Variants in CDK11A observed in about 807,000 individuals in gnomAD.
CDK11A encodes the protein cyclin dependent kinase 11A, also known as cyclin-dependent kinase 11A.
CDK11A carries 55 observed loss-of-function variants against 83.6 expected under a neutral mutation model. The ratio of observed to expected loss-of-function variants is 0.66; its 90% CI spans 0.53 to 0.82. CDK11A has a LOEUF of 0.82. Ranked by LOEUF, CDK11A falls within the 40% of genes least tolerant of loss-of-function variation. The pLI is 0.00. For missense variants in CDK11A, 564 were observed against 810.1 expected, an observed-to-expected ratio of 0.70 and a Z score of 3.69; for synonymous variants, 247 against 302.7, an observed-to-expected ratio of 0.82 and a Z score of 1.91.
intron 4 of CDK11A, among the ~76,000 whole-genome samples, chr1:1,716,814 CAAAAAAAAAAAAAAAAAAAA>C (rs1168780288): frequency 5.2e-5 from 4 of 76,680 alleles, no homozygotes; most frequent in African/African-American, 1.8e-4. Context: ...GACTCCATCT[CAAAAAAAAAAAAAAAAAAAA>C]AAAAAAAAAA....
chr1:1,716,763 C>T (rs1195030034), intron 4 of CDK11A, among the ~76,000 whole-genome samples: 5 of 121,512 alleles, frequency 4.1e-5, no homozygotes, highest in South Asian at 2.6e-4. Context: ...TGCGGTGAGC[C>T]GAGATCGTGC....
At chr1:1,723,502 A>G (rs1452163978) in intron 1 of CDK11A, among the ~76,000 whole-genome samples, 1 of 67,816 alleles carries the variant, frequency 1.5e-5, no homozygotes, top group African/African-American at 3.5e-5. Context: ...AAAAAAAAAA[A>G]AAAAAAAAAA....
rs1644360002 is a variant in CDK11A at position 1,707,449 on chromosome 1, T to C, written c.1205A>G (p.Glu402Gly). 6.2e-7 allele frequency: 1 copy of C among 1,607,662 alleles called. No individual in the cohort carries two copies. Among genetic ancestry groups the C allele is most frequent in the African/African-American group, 1.3e-5 (1 of 74,112 alleles). Residue 402 changes from glutamate (E) to glycine (G), a missense_variant, in exon 11 of 20, where the codon GAG (glutamate) becomes GGG (glycine). Physicochemically the swap from Glu to Gly is moderately conservative, Grantham distance 98. Around this residue, in one of 5 missense-constraint regions of CDK11A, gnomAD observed 361 missense variants for 402.7 expected, o/e 0.90. Transcript: ENST00000404249. Reference protein sequence around the residue: ...VPDSPALLPIELKQELPKYLP... With the variant: ...VPDSPALLPIGLKQELPKYLP... ...GTACTTGGGCAGCTCCTGCTTGAGC[T>C]CGATGGGCAACAGGGCAGGGGAGTC...
Position 1,703,937 on chromosome 1 carries a change from AT to A in CDK11A, c.1797del (p.Glu599AspfsTer19). ...GACCACATGTCCACGGCCGTGGAGT[AT>A]TCCTAAGACGCCAGGAGAGGTGTTC... ...RAPELLLGAK[E>X]YSTAVDMWSV... On this transcript the variant is annotated frameshift_variant and splice_region_variant, in exon 17 of 20. Transcript: ENST00000404249. LOFTEE classifies it high-confidence loss of function. 3.1e-6 allele frequency: 5 copies of A among 1,609,560 alleles called. 1 individual carries two copies. The highest frequency in any genetic ancestry group is 4.2e-6 in the Non-Finnish European group (5 of 1,176,894).
intron 4 of CDK11A, among the ~76,000 whole-genome samples, chr1:1,718,380 G>A (rs1219857180): frequency 2.1e-5 from 3 of 142,516 alleles, no homozygotes; most frequent in African/African-American, 7.9e-5. Context: ...GCTCTCTCTG[G>A]TTTTCGGTCT....
rs529944930 is a variant in CDK11A, at chr1:1,703,653, C to T, written c.1912-29G>A. The T allele has an allele frequency of 1.3e-4, 200 of 1,582,550 alleles. 9 individuals are homozygous for T. The highest frequency in any genetic ancestry group is 1.5e-4 in the Non-Finnish European group (180 of 1,165,348). ...AAAGACAGAGGTGCTTCAACAGCCACACCAAGTGGCCCACAGTGTTGGCAC... is the reference window on the plus strand; with the variant it reads ...AAAGACAGAGGTGCTTCAACAGCCATACCAAGTGGCCCACAGTGTTGGCAC... On this transcript the variant is annotated intron_variant, in intron 17 of 19. Coordinates refer to ENST00000404249, the MANE Select transcript of CDK11A (RefSeq NM_024011.4).
At position 1,703,874 on chromosome 1, in the gene CDK11A, G is replaced by A. The variant is rs561263753; in HGVS notation, c.1861C>T (p.Pro621Ser). 6.2e-7 allele frequency: 1 copy of A among 1,609,766 alleles called. No homozygotes were observed. The highest frequency in any genetic ancestry group is 1.1e-5 in the South Asian group (1 of 90,800). ...CIFGELLTQKPLFPGNSEIDQ... is the reference protein window; with the variant it reads ...CIFGELLTQKSLFPGNSEIDQ... ...ATTTCCGAATTCCCGGGGAACAGAG[G>A]CTTCTGAGTCAGCAGCTCCCCGAAG... is the stretch of plus-strand genomic sequence containing the variant. Residue 621 changes from proline to serine, a missense_variant, in exon 17 of 20, where the codon CCT becomes TCT. This residue lies in a region of CDK11A where 361 missense variants were observed against 402.7 expected (regional missense o/e 0.90). Transcript: ENST00000404249.
At chr1:1,712,133 A>G (rs1644500293) in intron 6 of CDK11A, 131 bp downstream of exon 6, 2 of 48,256 alleles carry the variant, frequency 4.1e-5, no homozygotes. Context: ...TCTGCCTCCA[A>G]AAAAAAAAAA....
Position 1,703,882 on chromosome 1 carries a change from G to A in CDK11A, c.1853C>T (p.Thr618Ile), listed in dbSNP as rs1181591267. The change falls in exon 17 of 20, where the codon ACT becomes ATT. Residue 618 changes from threonine to isoleucine, a missense_variant. By Grantham distance (89) the Thr-to-Ile change is moderately conservative. This residue lies in a region of CDK11A where 361 missense variants were observed against 402.7 expected (regional missense o/e 0.90). Transcript: ENST00000404249. ...ATTCCCGGGGAACAGAGGCTTCTGA[G>A]TCAGCAGCTCCCCGAAGATGCAGCC... is the stretch of plus-strand genomic sequence containing the variant. ...SVGCIFGELL[T>I]QKPLFPGNSE... 2.6e-5 allele frequency: 42 copies of A among 1,609,718 alleles called. 3 individuals are homozygous for A. The highest frequency in any genetic ancestry group is 3.5e-5 in the Non-Finnish European group (41 of 1,177,010).
chr1:1,707,105 G>A (rs542757360), intron 11 of CDK11A, among the ~76,000 whole-genome samples: 1 of 143,710 alleles, frequency 7.0e-6, no homozygotes, highest in Admixed American at 6.8e-5. Flanking sequence ...CTGCTCTCCA[G>A]TGCGGAGGAG....
intron 4 of CDK11A, among the ~76,000 whole-genome samples, chr1:1,717,524 C>T (rs1644712308): frequency 6.6e-6 from 1 of 151,364 alleles, no homozygotes; most frequent in South Asian, 2.1e-4. Flanking sequence ...AAACAAACTG[C>T]TCCCAAACAA....
In CDK11A at chr1:1,703,184, C is replaced by T. The variant is rs1162256804; in HGVS notation, c.2146G>A (p.Asp716Asn). Residue 716 changes from aspartate (D) to asparagine (N), a missense_variant, in exon 19 of 20, where the codon GAC (aspartate) becomes AAC (asparagine). Physicochemically the swap from Asp to Asn is conservative, Grantham distance 23. Around this residue, in one of 5 missense-constraint regions of CDK11A, gnomAD observed 361 missense variants for 402.7 expected, o/e 0.90. Transcript: ENST00000404249. ...GGCCACGTGGGGAACATGGAGGGGT[C>T]GATGGGGAGGGGGGTCTCGCGGAAA... ...EYFRETPLPI[D>N]PSMFPTWPAK... The T allele has an allele frequency of 1.4e-5, 6 of 418,616 alleles. No homozygotes were observed. Among genetic ancestry groups the T allele is most frequent in the South Asian group, 2.4e-5 (1 of 41,966 alleles). The allele number at this position is 418,616 out of a possible 1,614,324, so 25.9% of individuals were successfully genotyped here.
At chr1:1,715,571 CTCAG>C (rs1644605343) in intron 5 of CDK11A, among the ~76,000 whole-genome samples, 1 of 148,320 alleles carries the variant, frequency 6.7e-6, no homozygotes, top group Non-Finnish European at 1.5e-5. Flanking sequence ...ACCCCTGGGC[CTCAG>C]TGTCTCCCAC....
intron 1 of CDK11A, among the ~76,000 whole-genome samples, chr1:1,723,505 A>G (rs1423177473): frequency 4.3e-5 from 3 of 69,348 alleles, no homozygotes; most frequent in African/African-American, 1.0e-4. Flanking sequence ...AAAAAAAAAA[A>G]AAAAAAAAAA....
intron 3 of CDK11A, 57 bp from the exon 4 acceptor site, chr1:1,719,512 G>C (rs1644818398): frequency 2.3e-6 from 3 of 1,325,628 alleles, no homozygotes; most frequent in Non-Finnish European, 2.9e-6. Flanking sequence ...AAAAGCATCA[G>C]GCTATTATGA....
intron 1 of CDK11A, among the ~76,000 whole-genome samples, chr1:1,723,511 A>AAC (rs1644989590): frequency 2.9e-5 from 2 of 68,152 alleles, no homozygotes; most frequent in East Asian, 6.4e-4. Context: ...AAAAAAAAAA[A>AAC]AAAAAAAAAA....
At chr1:1,714,447 T>C (rs1644564196) in intron 5 of CDK11A, among the ~76,000 whole-genome samples, 1 of 50,568 alleles carries the variant, frequency 2.0e-5, no homozygotes, top group East Asian at 4.8e-4. Flanking sequence ...GGTCACACTG[T>C]CATACTTCTT....
intron 5 of CDK11A, among the ~76,000 whole-genome samples, chr1:1,713,751 T>C (rs113713941): frequency 0.14 from 7,298 of 52,946 alleles, 1,103 homozygotes; most frequent in Non-Finnish European, 0.28. Context: ...CTACACTTGC[T>C]ATCTGCAGTG....
rs185162884 is a variant in CDK11A, at chr1:1,710,765, C to T, written c.626-1125G>A. On this transcript the variant is annotated intron_variant, in intron 6 of 19. Transcript: ENST00000404249. ...TCAAGAAAATGACGCGTGAACACGA[C>T]GGAAATATCAACAGAGACAGAAGAT... 8.5e-3 allele frequency among the ~76,000 whole-genome samples: 1,232 copies of T among 144,176 alleles called. 39 individuals are homozygous for T. Among genetic ancestry groups the T allele is most frequent in the Middle Eastern group, 0.033 (9 of 270 alleles). 94.6% of individuals were successfully genotyped at this position (144,176 alleles called of 152,430 possible).
Sources: gnomAD v4.1 joint callset for allele counts (sites outside exome capture counted in the v4.1 genomes callset) on GRCh38, gnomAD v4.1.1 for gene constraint, gnomAD v4.1.1 regional missense constraint, MANE v1.5 for transcripts, NCBI Gene and HGNC (gene_info 2026-07-23, HGNC 2026-07-21) for gene names.